IQGAP1: variants seen among roughly 807,000 people sequenced by gnomAD.
IQGAP1 encodes the protein ras GTPase-activating-like protein IQGAP1.
IQGAP1 carries 66 observed loss-of-function variants against 215.6 expected under a neutral mutation model. The ratio of observed to expected loss-of-function variants is 0.31; its 90% confidence interval spans 0.25 to 0.38. IQGAP1 has a LOEUF of 0.38. Among genes scored for constraint, IQGAP1 ranks in the 10% least tolerant of loss-of-function variants. The pLI, the probability that IQGAP1 is intolerant of heterozygous loss-of-function variation, is 1.00. For missense variants in IQGAP1, 1,712 were observed against 1,997.1 expected (o/e 0.86, Z 2.72); for synonymous variants, 772 against 728.7 (o/e 1.06, Z -0.96).
At chr15:90,472,214 G>A (rs1490719813) in intron 18 of IQGAP1, among the ~76,000 whole-genome samples, 1 of 152,184 alleles carries the variant, frequency 6.6e-6, no homozygotes, top group Non-Finnish European at 1.5e-5. Flanking sequence ...GTTTGAGGCT[G>A]CAGCGAGCTG....
At chr15:90,480,278 CTG>C (rs1966040038) in intron 26 of IQGAP1, among the ~76,000 whole-genome samples, 1 of 149,646 alleles carries the variant, frequency 6.7e-6, no homozygotes, top group African/African-American at 2.5e-5. Flanking sequence ...ATACCAGTGA[CTG>C]TGAGGGATGG....
At chr15:90,453,646 A>G (rs1036647102) in intron 13 of IQGAP1, among the ~76,000 whole-genome samples, 26 of 152,208 alleles carry the variant, frequency 1.7e-4, no homozygotes, top group Non-Finnish European at 3.5e-4. Flanking sequence ...GCCTAGGAAC[A>G]TGTATTATAT....
intron 11 of IQGAP1, among the ~76,000 whole-genome samples, chr15:90,451,096 C>G (rs1965597985): frequency 6.6e-6 from 1 of 152,088 alleles, no homozygotes; most frequent in Admixed American, 6.6e-5. Flanking sequence ...TTCATAGTTT[C>G]AGGTCTTAGA....
Position 90,501,964 on chromosome 15 carries a change from GA to G in IQGAP1, c.*1858del, listed in dbSNP as rs1203353323. 1 of 152,468 alleles carries G rather than the reference GA, an allele frequency of 6.6e-6. No homozygotes were observed. The highest frequency in any genetic ancestry group is 1.9e-4 in the East Asian group (1 of 5,206). 9.4% of individuals were successfully genotyped at this position (152,468 alleles called of 1,614,324 possible). On this transcript the variant is annotated 3_prime_UTR_variant, in exon 38 of 38. Transcript: ENST00000268182. ...CAGAATAGTGTAAAATGCGCTTCAA[GA>G]ATGTTGATGATGATGATATAGAATT...
chr15:90,476,889 C>T (rs900310151), intron 24 of IQGAP1, 71 bp downstream of exon 24: 20 of 1,512,738 alleles, frequency 1.3e-5, no homozygotes, highest in African/African-American at 5.6e-5. Context: ...GCCTTACCAT[C>T]GATCTCTCTG....
rs984623416 is a variant in IQGAP1 at position 90,501,680 on chromosome 15, A to T, written c.*1572A>T. The T allele has an allele frequency of 3.9e-5, 6 of 152,138 alleles. No homozygotes were observed. The highest frequency in any genetic ancestry group is 1.4e-4 in the African/African-American group (6 of 41,412). 9.4% of individuals were successfully genotyped at this position (152,138 alleles called of 1,614,324 possible). A position where few individuals can be genotyped will look rare whatever the true frequency, so the allele number is the denominator to read the frequency against. ...CATGGAAGGATTCGCCACTACCCAG[A>T]CCTTGTTTTTTGTTGTATTTTGGAA... is the stretch of plus-strand genomic sequence containing the variant. On this transcript the variant is annotated 3_prime_UTR_variant, in exon 38 of 38. Coordinates refer to ENST00000268182, the MANE Select transcript of IQGAP1 (RefSeq NM_003870.4).
At chr15:90,445,019 G>T (rs7174614) in intron 9 of IQGAP1, among the ~76,000 whole-genome samples, 2,874 of 152,196 alleles carry the variant, frequency 0.019, 75 homozygotes, top group African/African-American at 0.066. Flanking sequence ...GCTACTTGGG[G>T]GCTGAAGCAG....
intron 37 of IQGAP1, among the ~76,000 whole-genome samples, chr15:90,498,848 T>G (rs1309200683): frequency 6.6e-6 from 1 of 150,412 alleles, no homozygotes; most frequent in Non-Finnish European, 1.5e-5. Flanking sequence ...TCGCTCTTAT[T>G]GCCCAAGCTG....
In IQGAP1 at chr15:90,393,050, A is replaced by AT. The variant is rs573060333; in HGVS notation, c.155+2184dup. Among the ~76,000 whole-genome samples the AT allele has an allele frequency of 9.3e-4, 140 of 150,872 alleles. 1 individual carries two copies. Among genetic ancestry groups the AT allele is most frequent in the African/African-American group, 3.2e-3 (132 of 41,038 alleles). ...GTGAGCTGCTGTGCCTGGCCTCATC[A>AT]TTTTTTTAACTATGGTTGTTAACCA... On this transcript the variant is annotated intron_variant, in intron 2 of 37. Transcript: ENST00000268182.
At chr15:90,413,270 C>G (rs1256366967) in intron 2 of IQGAP1, among the ~76,000 whole-genome samples, 1 of 152,108 alleles carries the variant, frequency 6.6e-6, no homozygotes, top group Non-Finnish European at 1.5e-5. Context: ...TTATTTAGAG[C>G]CTACTACTAG....
At chr15:90,426,826 G>A (rs1345193453) in intron 3 of IQGAP1, among the ~76,000 whole-genome samples, 1 of 151,814 alleles carries the variant, frequency 6.6e-6, no homozygotes, top group Non-Finnish European at 1.5e-5. Flanking sequence ...GGTGGTGCAT[G>A]CCTGTAATCC....
chr15:90,476,119 G>GAT (rs994900738), intron 23 of IQGAP1, among the ~76,000 whole-genome samples: 8 of 152,084 alleles, frequency 5.3e-5, no homozygotes, highest in Non-Finnish European at 8.8e-5. Context: ...TTTTATAAGA[G>GAT]ATAGGGTATC....
chr15:90,440,633 T>C lies in IQGAP1; in HGVS notation c.649+18T>C. The C allele has an allele frequency of 6.7e-7, 1 of 1,502,332 alleles. No homozygotes were observed. Among genetic ancestry groups the C allele is most frequent in the African/African-American group, 1.4e-5 (1 of 72,290 alleles). The allele number at this position is 1,502,332 out of a possible 1,614,324, so 93.1% of individuals were successfully genotyped here. ...AGCCGCATGTAAGAAGAGAGAAATT[T>C]TGTGGGTTCAACTGGGATTGTTGCC... On this transcript the variant is annotated intron_variant, in intron 7 of 37. Coordinates refer to ENST00000268182, the MANE Select transcript of IQGAP1 (RefSeq NM_003870.4).
chr15:90,454,037 T>G (rs1422511872), intron 13 of IQGAP1, among the ~76,000 whole-genome samples: 1 of 152,270 alleles, frequency 6.6e-6, no homozygotes, highest in African/African-American at 2.4e-5. Context: ...TAGTTTTCCA[T>G]TAAGCATTCA....
At chr15:90,394,560 T>A (rs899801454) in intron 2 of IQGAP1, among the ~76,000 whole-genome samples, 5 of 152,166 alleles carry the variant, frequency 3.3e-5, no homozygotes, top group African/African-American at 1.2e-4. Flanking sequence ...CAGTTCTTTC[T>A]CCTACCTTGG....
At chr15:90,444,992 A>G (rs564261162) in intron 9 of IQGAP1, among the ~76,000 whole-genome samples, 1 of 152,208 alleles carries the variant, frequency 6.6e-6, no homozygotes, top group East Asian at 1.9e-4. Flanking sequence ...ACGTGGTGAC[A>G]TGCGCCTGTA....
At chr15:90,416,341 T>C (rs976906449) in intron 2 of IQGAP1, among the ~76,000 whole-genome samples, 8 of 152,204 alleles carry the variant, frequency 5.3e-5, no homozygotes, top group Non-Finnish European at 8.8e-5. Flanking sequence ...TCTTTGCTAT[T>C]GTGAATGGTG....
rs1966142850 is a variant in IQGAP1, at chr15:90,487,482, C to A, written c.4161-13C>A. 5 of 1,595,284 alleles carry A rather than the reference C, an allele frequency of 3.1e-6. No individual in the cohort carries two copies. Among genetic ancestry groups the A allele is most frequent in the African/African-American group, 1.3e-5 (1 of 74,512 alleles). On this transcript the variant is annotated splice_polypyrimidine_tract_variant and intron_variant, in intron 32 of 37. Coordinates refer to ENST00000268182, the MANE Select transcript of IQGAP1 (RefSeq NM_003870.4). ...ACTGGTAATATTTAAATGCCTCCCC[C>A]ATCTCGTTTCAGTACAAAACGTTTA...
intron 35 of IQGAP1, chr15:90,494,422 A>G (rs915493325): frequency 3.1e-5 from 6 of 194,818 alleles, no homozygotes; most frequent in Non-Finnish European, 5.2e-5. Flanking sequence ...GTTACTTGTT[A>G]GGTACTTAAG....
Sources: allele counts gnomAD v4.1 joint callset (sites outside exome capture counted in the v4.1 genomes callset), GRCh38; gene constraint gnomAD v4.1.1; transcripts MANE v1.5; gene names NCBI Gene and HGNC (gene_info 2026-07-23, HGNC 2026-07-21).